ACTR3C: variants seen among roughly 807,000 people sequenced by gnomAD.
ACTR3C encodes the protein actin related protein 3C.
ACTR3C carries 18 observed loss-of-function variants against 26.3 expected under a neutral mutation model. The ratio of observed to expected loss-of-function variants is 0.68; its 90% confidence interval spans 0.47 to 1.01. The LOEUF is 1.01. ACTR3C is among the 50% of genes least tolerant of loss of function. The probability of loss-of-function intolerance (pLI) is 0.00; values close to 1 mark genes in which losing one functional copy is unlikely to be tolerated. For missense variants in ACTR3C, 184 were observed against 250.7 expected (o/e 0.73, Z 1.80); for synonymous variants, 55 against 94.5 (o/e 0.58, Z 2.42).
chr7:150,211,146 T>C, the ACTR3C span, among the ~76,000 whole-genome samples: 1 of 148,692 alleles, frequency 6.7e-6, no homozygotes, highest in African/African-American at 2.6e-5. Flanking sequence ...CTGGAGGTCA[T>C]AATTTTTACA....
chr7:149,937,744 C>T, the ACTR3C span, among the ~76,000 whole-genome samples: 3 of 152,056 alleles, frequency 2.0e-5, no homozygotes, highest in African/African-American at 4.8e-5. Context: ...TGGGAGGGTC[C>T]GGGTGCGGGG....
At chr7:149,960,275 T>C in the ACTR3C span, among the ~76,000 whole-genome samples, 2 of 151,988 alleles carry the variant, frequency 1.3e-5, no homozygotes, top group Non-Finnish European at 1.5e-5. Context: ...TTTATGTGCT[T>C]GTGAGAGCAT....
intron 1 of ACTR3C, among the ~76,000 whole-genome samples, chr7:150,311,579 T>C (rs1796325793): frequency 6.6e-6 from 1 of 152,208 alleles, no homozygotes; most frequent in Admixed American, 6.5e-5. Context: ...TCAACCCAGC[T>C]TCTCACTTAG....
chr7:150,051,405 A>G, the ACTR3C span, among the ~76,000 whole-genome samples: 1 of 148,316 alleles, frequency 6.7e-6, no homozygotes, highest in Admixed American at 6.8e-5. Context: ...CACACAAACA[A>G]GGAAAAAGAT....
At chr7:150,033,836 G>T in the ACTR3C span, among the ~76,000 whole-genome samples, 2 of 152,074 alleles carry the variant, frequency 1.3e-5, no homozygotes, top group Admixed American at 1.3e-4. Flanking sequence ...CTGCCTCGTG[G>T]GGGGTGCCTC....
the ACTR3C span, among the ~76,000 whole-genome samples, chr7:149,906,024 A>C: frequency 6.6e-6 from 1 of 152,210 alleles, no homozygotes; most frequent in East Asian, 1.9e-4. Flanking sequence ...AAAATGCCCA[A>C]AAGGAAAAAA....
chr7:150,221,721 A>G, the ACTR3C span, among the ~76,000 whole-genome samples: 6 of 152,100 alleles, frequency 3.9e-5, no homozygotes, highest in Non-Finnish European at 8.8e-5. Flanking sequence ...TTGGCCGGGC[A>G]CGGTGGCTCA....
At chr7:149,962,584 G>A in the ACTR3C span, among the ~76,000 whole-genome samples, 1 of 152,016 alleles carries the variant, frequency 6.6e-6, no homozygotes, top group Non-Finnish European at 1.5e-5. Context: ...ATGCTCTCCC[G>A]ACTCCACACC....
the ACTR3C span, among the ~76,000 whole-genome samples, chr7:150,079,066 G>T: frequency 1.3e-5 from 2 of 152,166 alleles, no homozygotes; most frequent in Non-Finnish European, 2.9e-5. Context: ...ACTGGCCCTG[G>T]TTTGGGATAT....
At chr7:149,898,250 T>C in the ACTR3C span, among the ~76,000 whole-genome samples, 1 of 152,166 alleles carries the variant, frequency 6.6e-6, no homozygotes, top group Non-Finnish European at 1.5e-5. Flanking sequence ...CACCATTCAA[T>C]GGCACACTGA....
chr7:150,209,888 C>T, the ACTR3C span, among the ~76,000 whole-genome samples: 1 of 145,036 alleles, frequency 6.9e-6, no homozygotes, highest in Non-Finnish European at 1.5e-5. Flanking sequence ...CACTGCACTC[C>T]AGCCTGGGTG....
At chr7:150,031,385 G>A in the ACTR3C span, among the ~76,000 whole-genome samples, 4 of 152,146 alleles carry the variant, frequency 2.6e-5, no homozygotes, top group African/African-American at 9.7e-5. Flanking sequence ...GAAAAATTAC[G>A]GGTATTCTGG....
At chr7:150,236,678 C>A in the ACTR3C span, among the ~76,000 whole-genome samples, 1 of 151,890 alleles carries the variant, frequency 6.6e-6, no homozygotes, top group Non-Finnish European at 1.5e-5. Flanking sequence ...CAAACAATTC[C>A]CACCAATCAG....
the ACTR3C span, among the ~76,000 whole-genome samples, chr7:150,088,626 T>A: frequency 1.3e-5 from 2 of 152,212 alleles, no homozygotes; most frequent in Non-Finnish European, 2.9e-5. Flanking sequence ...TTTGTTATAA[T>A]TAAAAAAAGA....
At chr7:150,120,695 C>T in the ACTR3C span, among the ~76,000 whole-genome samples, 1 of 152,110 alleles carries the variant, frequency 6.6e-6, no homozygotes, top group African/African-American at 2.4e-5. Flanking sequence ...TAAAACTATT[C>T]CAAACAATAG....
the ACTR3C span, among the ~76,000 whole-genome samples, chr7:150,234,432 C>T: frequency 3.3e-5 from 5 of 152,110 alleles, no homozygotes; most frequent in Non-Finnish European, 5.9e-5. Context: ...CTTCCATGCG[C>T]CCCACATGAC....
At chr7:150,255,998 T>C (rs1249702254) in intron 6 of ACTR3C, among the ~76,000 whole-genome samples, 1 of 152,168 alleles carries the variant, frequency 6.6e-6, no homozygotes, top group Non-Finnish European at 1.5e-5. Flanking sequence ...TCTAGAGAAA[T>C]ACAAAACAGG....
chr7:149,987,864 T>G, the ACTR3C span, among the ~76,000 whole-genome samples: 1 of 152,182 alleles, frequency 6.6e-6, no homozygotes, highest in Non-Finnish European at 1.5e-5. Context: ...GACATAAGCT[T>G]ATCTATATAA....
the ACTR3C span, among the ~76,000 whole-genome samples, chr7:150,043,612 C>T: frequency 6.6e-6 from 1 of 152,334 alleles, no homozygotes; most frequent in East Asian, 1.9e-4. Context: ...CAAGAGAGGG[C>T]AACATTGCAA....
Sources: allele counts gnomAD v4.1 joint callset (sites outside exome capture counted in the v4.1 genomes callset), GRCh38; gene constraint gnomAD v4.1.1; transcripts MANE v1.5; gene names NCBI Gene and HGNC (gene_info 2026-07-23, HGNC 2026-07-21).